The following SNUPN variants were observed in gnomAD, a reference collection of about 807,000 sequenced individuals.
SNUPN encodes the protein snurportin 1, also known as snurportin-1.
In SNUPN, 31 loss-of-function variants were observed where a neutral mutation model predicts 39.2. The ratio of observed to expected loss-of-function variants is 0.79; its 90% CI spans 0.59 to 1.07. The LOEUF is 1.07. Among genes scored for constraint, SNUPN ranks in the 50% least tolerant of loss-of-function variants. The pLI is 0.00. For missense variants in SNUPN, 382 were observed against 434.2 expected (o/e 0.88, Z 1.07); for synonymous variants, 132 against 159.0 (o/e 0.83, Z 1.28).
At chr15:75,621,980 G>A (rs1188816601) in intron 1 of SNUPN, among the ~76,000 whole-genome samples, 1 of 152,190 alleles carries the variant, frequency 6.6e-6, no homozygotes, top group Non-Finnish European at 1.5e-5. Flanking sequence ...AGGTTGCAGT[G>A]AGCCGAGATC....
intron 1 of SNUPN, chr15:75,622,414 A>G (rs1352892404): frequency 3.0e-6 from 3 of 984,994 alleles, no homozygotes; most frequent in African/African-American, 3.5e-5. Flanking sequence ...AAGAACTTCC[A>G]TAAAGTACAT....
Position 75,601,190 on chromosome 15 carries a change from G to C in SNUPN, c.707C>G (p.Pro236Arg). ...ATCACACAGGCTTTCGGGAGTGCAA[G>C]GGAAGTTCTTTAGCCCCACAAATTT... ...PFKFVGLKNF[P>R]CTPESLCDVL... Residue 236 changes from proline to arginine, a missense_variant, in exon 8 of 9, where the codon CCT becomes CGT. Transcript: ENST00000308588. 6.2e-7 allele frequency: 1 copy of C among 1,613,674 alleles called. No individual in the cohort carries two copies. The highest frequency in any genetic ancestry group is 8.5e-7 in the Non-Finnish European group (1 of 1,179,662).
intron 3 of SNUPN, among the ~76,000 whole-genome samples, chr15:75,611,378 G>A (rs959543739): frequency 9.4e-5 from 14 of 149,676 alleles, no homozygotes; most frequent in Admixed American, 1.3e-4. Flanking sequence ...TCAGCCTCCC[G>A]AGTAGCTGGG....
Position 75,617,453 on chromosome 15 carries a change from C to T in SNUPN, c.258G>A (p.Met86Ile). The stretch of plus-strand genomic sequence containing the variant: ...GTAACTTCTTGACAGTGTCAATGTC[C>T]ATTTCTTCATCATCTTTCTTATTTT... ...EEENKKDDEE[M>I]DIDTVKKLPK... Residue 86 changes from methionine (M) to isoleucine (I), a missense_variant, in exon 3 of 9, where the codon ATG becomes ATA. By Grantham distance (10) the Met-to-Ile change is conservative. Transcript: ENST00000308588. The T allele has an allele frequency of 6.2e-7, 1 of 1,614,058 alleles. No homozygotes were observed. The highest frequency in any genetic ancestry group is 8.5e-7 in the Non-Finnish European group (1 of 1,179,988).
At chr15:75,621,192 G>A (rs1893060509) in intron 1 of SNUPN, 136 bp from the exon 2 acceptor site, 3 of 742,234 alleles carry the variant, frequency 4.0e-6, no homozygotes, top group African/African-American at 1.8e-5. Flanking sequence ...GTGTTTCCAT[G>A]AGACAAAAGG....
chr15:75,605,357 A>G (rs939947352), intron 6 of SNUPN, 130 bp from the exon 7 acceptor site: 1 of 547,318 alleles, frequency 1.8e-6, no homozygotes, highest in Non-Finnish European at 3.1e-6. Context: ...CCCAGGCTGG[A>G]GTGCAATGGT....
At chr15:75,605,885 C>T (rs1277557482) in intron 6 of SNUPN, among the ~76,000 whole-genome samples, 1 of 152,154 alleles carries the variant, frequency 6.6e-6, no homozygotes, top group Non-Finnish European at 1.5e-5. Flanking sequence ...CAGGTGCAGT[C>T]GTTCATGCCC....
Position 75,617,549 on chromosome 15 carries a change from C to T in SNUPN, c.162G>A (p.Lys54=). The T allele has an allele frequency of 6.2e-7, 1 of 1,602,328 alleles. No individual in the cohort carries two copies. The highest frequency in any genetic ancestry group is 8.5e-7 in the Non-Finnish European group (1 of 1,176,876). The change falls in exon 3 of 9, where the codon AAG becomes AAA. Residue 54 remains lysine, a synonymous_variant. Transcript: ENST00000308588. ...RRRLLELQKS[K]RLDYVNHARR... is the part of the protein sequence containing the mutation. ...TGGCATGGTTCACATAATCCAGCCG[C>T]TTGCTGGAAGGAAAAAAAAGGCATA...
chr15:75,598,708 C>A, intron 8 of SNUPN, 27 bp from the exon 9 acceptor site: 2 of 1,549,674 alleles, frequency 1.3e-6, no homozygotes, highest in South Asian at 2.4e-5. Context: ...AATTGAGGAT[C>A]AAATGACTTC....
In SNUPN at chr15:75,618,918, G is replaced by A. The variant is rs372552996; in HGVS notation, c.159-1366C>T. On this transcript the variant is annotated intron_variant, in intron 2 of 8. Transcript: ENST00000308588. ...CATTCCACGGAATACCTAGCACCAC[G>A]AAAAAGGAATGATGTGGTACTTTAT... Among the ~76,000 whole-genome samples, 5 of 146,880 alleles carry A rather than the reference G, an allele frequency of 3.4e-5. No homozygotes were observed. In the East Asian group the frequency reaches 8.1e-4, roughly 24 times the overall value.
In SNUPN at chr15:75,609,546, C is replaced by A. The variant is rs1595984571; in HGVS notation, c.502+12G>T. ...TTTTACTGATCAATAAGTAGACACT[C>A]TATGTAGGTACCTTTTGCTGTTGAG... On this transcript the variant is annotated intron_variant, in intron 5 of 8. Coordinates refer to ENST00000308588, the MANE Select transcript of SNUPN (RefSeq NM_005701.4). 6.2e-7 allele frequency: 1 copy of A among 1,604,034 alleles called. No individual in the cohort carries two copies. Among genetic ancestry groups the A allele is most frequent in the Non-Finnish European group, 8.5e-7 (1 of 1,170,730 alleles).
intron 7 of SNUPN, among the ~76,000 whole-genome samples, chr15:75,604,100 CA>C (rs1346816431): frequency 6.6e-6 from 1 of 151,834 alleles, no homozygotes; most frequent in Admixed American, 6.6e-5. Flanking sequence ...ATAATAACAT[CA>C]CTGAAAGTAC....
At chr15:75,601,790 C>A (rs887668092) in intron 7 of SNUPN, among the ~76,000 whole-genome samples, 1 of 152,032 alleles carries the variant, frequency 6.6e-6, no homozygotes, top group South Asian at 2.1e-4. Context: ...AACAAAAAAA[C>A]AAAGAAGAAA....
rs190813307 is a variant in SNUPN at position 75,599,939 on chromosome 15, G to A, written c.759+1199C>T. ...CAGCTCAGTGCAACCTCCGCCTCCCGGGTTCAAGAGATTCTCCTGCCTCAA... is the reference window on the plus strand; with the variant it reads ...CAGCTCAGTGCAACCTCCGCCTCCCAGGTTCAAGAGATTCTCCTGCCTCAA... On this transcript the variant is annotated intron_variant, in intron 8 of 8. Coordinates refer to ENST00000308588, the MANE Select transcript of SNUPN (RefSeq NM_005701.4). 2.4e-4 allele frequency among the ~76,000 whole-genome samples: 37 copies of A among 151,388 alleles called. No individual in the cohort carries two copies. The East Asian group carries it at 6.5e-3, about 26-fold the overall frequency.
At chr15:75,620,768 G>T in intron 2 of SNUPN, 126 bp downstream of exon 2, 2 of 813,326 alleles carry the variant, frequency 2.5e-6, no homozygotes, top group Non-Finnish European at 3.9e-6. Flanking sequence ...CAACCTGTGG[G>T]CAAGAAGATC....
intron 6 of SNUPN, 76 bp from the exon 7 acceptor site, chr15:75,605,303 C>T: frequency 3.4e-6 from 3 of 888,794 alleles, no homozygotes; most frequent in African/African-American, 1.8e-5. Flanking sequence ...ACACCCCATG[C>T]TATTTTTTTT....
At chr15:75,622,242 A>AT in intron 1 of SNUPN, 1 of 562,118 alleles carries the variant, frequency 1.8e-6, no homozygotes, top group Non-Finnish European at 2.3e-6. Context: ...ATTATAATTT[A>AT]TTTTTTAAAA....
intron 3 of SNUPN, among the ~76,000 whole-genome samples, chr15:75,614,126 A>G (rs927068130): frequency 4.6e-5 from 7 of 152,026 alleles, no homozygotes; most frequent in African/African-American, 1.2e-4. Flanking sequence ...TCCCGTCTCT[A>G]CTAAAAATAT....
chr15:75,618,301 T>C (rs1892985327), intron 2 of SNUPN, among the ~76,000 whole-genome samples: 1 of 152,136 alleles, frequency 6.6e-6, no homozygotes, highest in African/African-American at 2.4e-5. Flanking sequence ...TTCTGCCTTA[T>C]ACACCTTTTT....
Sources: allele counts gnomAD v4.1 joint callset (sites outside exome capture counted in the v4.1 genomes callset), GRCh38; gene constraint gnomAD v4.1.1; transcripts MANE v1.5; gene names NCBI Gene and HGNC (gene_info 2026-07-23, HGNC 2026-07-21).